The following ERC2 variants were observed in gnomAD, a reference collection of about 807,000 sequenced individuals.
The protein encoded by ERC2 is ELKS/RAB6-interacting/CAST family member 2, also known as ERC protein 2.
A neutral mutation model predicts 114.8 loss-of-function variants in ERC2; 42 were observed. That is an observed-to-expected ratio of 0.37 (90% confidence interval 0.29 to 0.47). ERC2 has a LOEUF of 0.47. ERC2 is among the 20% of genes least tolerant of loss of function. The probability of loss-of-function intolerance (pLI) is 0.99; values close to 1 mark genes in which losing one functional copy is unlikely to be tolerated. For synonymous variants in ERC2, 454 were observed against 425.5 expected, an observed-to-expected ratio of 1.07 and a Z score of -0.82; for missense variants, 939 against 1,150.7, an observed-to-expected ratio of 0.82 and a Z score of 2.66.
At chr3:55,730,566 C>T (rs140010250) in intron 15 of ERC2, among the ~76,000 whole-genome samples, 7 of 152,246 alleles carry the variant, frequency 4.6e-5, no homozygotes, top group Non-Finnish European at 5.9e-5. Context: ...TTTCTGTATA[C>T]GTTGAGCTCA....
Position 56,434,455 on chromosome 3 carries a change from A to G in ERC2, c.553T>C (p.Phe185Leu), listed in dbSNP as rs1458358355. 2 of 1,613,978 alleles carry G rather than the reference A, an allele frequency of 1.2e-6. No homozygotes were observed. Residue 185 changes from phenylalanine to leucine, a missense_variant, in exon 2 of 18, where the codon TTC becomes CTC. Transcript: ENST00000288221. The stretch of plus-strand genomic sequence containing the variant: ...TCCTTCTTAAGCTCAGGACTCCAGA[A>G]AGTCTTAATACTGTTCATGGAAGAT... ...LGSSMNSIKT[F>L]WSPELKKERV... is the part of the protein sequence containing the mutation.
At chr3:55,562,864 G>A (rs1241049544) in intron 17 of ERC2, among the ~76,000 whole-genome samples, 2 of 152,126 alleles carry the variant, frequency 1.3e-5, no homozygotes, top group Non-Finnish European at 2.9e-5. Context: ...GCAAATGAAT[G>A]TTGGCAAATT....
chr3:55,990,450 TAGAG>T (rs941138591), intron 11 of ERC2, among the ~76,000 whole-genome samples: 1 of 152,174 alleles, frequency 6.6e-6, no homozygotes, highest in African/African-American at 2.4e-5. Flanking sequence ...TTTCTTTTCT[TAGAG>T]AGAGGAATCT....
At chr3:56,402,364 C>T (rs1002837406) in intron 2 of ERC2, among the ~76,000 whole-genome samples, 6 of 152,170 alleles carry the variant, frequency 3.9e-5, no homozygotes, top group Non-Finnish European at 7.3e-5. Context: ...CCCTTTGTTG[C>T]CATGGTAATG....
At chr3:56,300,288 A>G (rs2055780465) in intron 2 of ERC2, among the ~76,000 whole-genome samples, 1 of 151,734 alleles carries the variant, frequency 6.6e-6, no homozygotes, top group Admixed American at 6.6e-5. Flanking sequence ...TACAAAAAAA[A>G]AAAAAAAGAA....
chr3:55,798,370 G>T lies in ERC2; in HGVS notation c.2565-63452C>A, dbSNP rs149531129. On this transcript the variant is annotated intron_variant, in intron 14 of 17. Coordinates refer to ENST00000288221, the MANE Select transcript of ERC2 (RefSeq NM_015576.3). ...ACCCAGCACTTTCGGAGGCCGAGGC[G>T]GGCAGATCACGAGGTCAGGAGATCG... 3.3e-3 allele frequency among the ~76,000 whole-genome samples: 500 copies of T among 152,114 alleles called. 3 individuals are homozygous for T. The highest frequency in any genetic ancestry group is 0.012 in the African/African-American group (478 of 41,514).
intron 10 of ERC2, among the ~76,000 whole-genome samples, chr3:56,005,810 A>G (rs1054142404): frequency 6.6e-6 from 1 of 152,108 alleles, no homozygotes; most frequent in Non-Finnish European, 1.5e-5. Flanking sequence ...CAAAACTTTT[A>G]TTAAATAAAA....
At chr3:56,396,477 G>A (rs931437910) in intron 2 of ERC2, among the ~76,000 whole-genome samples, 3 of 152,134 alleles carry the variant, frequency 2.0e-5, no homozygotes, top group African/African-American at 7.2e-5. Flanking sequence ...CAATGAGGTG[G>A]TTTGACATGT....
chr3:55,582,111 C>T (rs962753891), intron 17 of ERC2, among the ~76,000 whole-genome samples: 1 of 152,246 alleles, frequency 6.6e-6, no homozygotes. Context: ...TTGCTCAGGT[C>T]TCAGCTAAAA....
chr3:56,090,666 CTT>C (rs75767701), intron 6 of ERC2, among the ~76,000 whole-genome samples: 18 of 139,548 alleles, frequency 1.3e-4, no homozygotes, highest in Admixed American at 2.2e-4. Flanking sequence ...TTCATATTTT[CTT>C]TTTTTTTTTT....
intron 6 of ERC2, among the ~76,000 whole-genome samples, chr3:56,131,039 C>A (rs1335642051): frequency 6.6e-6 from 1 of 152,138 alleles, no homozygotes; most frequent in Admixed American, 6.5e-5. Context: ...ATCATCCATA[C>A]TCTCAAAATG....
At chr3:56,120,779 G>A (rs962542362) in intron 6 of ERC2, among the ~76,000 whole-genome samples, 1 of 152,214 alleles carries the variant, frequency 6.6e-6, no homozygotes, top group Non-Finnish European at 1.5e-5. Flanking sequence ...ACACCTGGGA[G>A]CTTTGATTAA....
At chr3:55,606,171 A>G (rs545250006) in intron 17 of ERC2, among the ~76,000 whole-genome samples, 2 of 152,312 alleles carry the variant, frequency 1.3e-5, no homozygotes, top group Non-Finnish European at 2.9e-5. Flanking sequence ...AAACTCCGTG[A>G]TGGCTTGGGG....
At chr3:56,134,923 TTTTTTTG>T (rs1436341296) in intron 6 of ERC2, among the ~76,000 whole-genome samples, 3 of 149,534 alleles carry the variant, frequency 2.0e-5, no homozygotes, top group Admixed American at 6.6e-5. Context: ...TTTTTTTGTT[TTTTTTTG>T]TTTTTGTTTT....
At chr3:55,879,334 GA>G (rs2063016216) in intron 14 of ERC2, among the ~76,000 whole-genome samples, 1 of 152,000 alleles carries the variant, frequency 6.6e-6, no homozygotes, top group African/African-American at 2.4e-5. Context: ...TGCACTAAAA[GA>G]AAAATCTTCC....
In ERC2 at chr3:55,519,533, TA is replaced by T. The variant is rs1168239778; in HGVS notation, c.*40-8258del. ...TCCCTTTCTCTCTCACACGCTGACA[TA>T]TTTAATACTTAGTACCATGAAAGTG... On this transcript the variant is annotated intron_variant, in intron 17 of 17. Coordinates refer to ENST00000288221, the MANE Select transcript of ERC2 (RefSeq NM_015576.3). 2.0e-5 allele frequency among the ~76,000 whole-genome samples: 3 copies of T among 152,194 alleles called. No homozygotes were observed. The East Asian group carries it at 5.8e-4, about 29-fold the overall frequency.
At chr3:55,631,712 G>A (rs927410156) in intron 17 of ERC2, among the ~76,000 whole-genome samples, 1 of 151,706 alleles carries the variant, frequency 6.6e-6, no homozygotes, top group African/African-American at 2.4e-5. Context: ...CTTTTGGCCA[G>A]CCACCAACCA....
At chr3:55,528,725 C>G (rs1017280804) in intron 17 of ERC2, among the ~76,000 whole-genome samples, 2 of 152,172 alleles carry the variant, frequency 1.3e-5, no homozygotes, top group Non-Finnish European at 2.9e-5. Flanking sequence ...TCATTTCTGA[C>G]TTGTTGAGAT....
chr3:56,346,058 G>A (rs2058295067), intron 2 of ERC2, among the ~76,000 whole-genome samples: 2 of 152,128 alleles, frequency 1.3e-5, no homozygotes, highest in Admixed American at 6.6e-5. Context: ...TGAATCCCTG[G>A]GTCATAGGAT....
Sources: gnomAD v4.1 joint callset for allele counts (sites outside exome capture counted in the v4.1 genomes callset) on GRCh38, gnomAD v4.1.1 for gene constraint, MANE v1.5 for transcripts, NCBI Gene and HGNC (gene_info 2026-07-23, HGNC 2026-07-21) for gene names.